Variants in TRAPPC3L observed in about 807,000 individuals in gnomAD.
TRAPPC3L encodes trafficking protein particle complex subunit 3L.
Under a neutral mutation model 23.7 loss-of-function variants are expected in TRAPPC3L, and 23 were observed. That is an observed-to-expected ratio of 0.97 (90% CI 0.70 to 1.37). The LOEUF (loss-of-function observed/expected upper bound fraction) is 1.37, where lower values mean the gene tolerates loss of function less well. Among genes scored for constraint, TRAPPC3L ranks in the 40% most tolerant of loss-of-function variants. The pLI is 0.00. For synonymous variants in TRAPPC3L, 81 were observed against 77.9 expected (o/e 1.04, Z -0.21); for missense variants, 212 against 216.8 (o/e 0.98, Z 0.14).
intron 3 of TRAPPC3L, among the ~76,000 whole-genome samples, chr6:116,514,827 A>T (rs1772190702): frequency 6.6e-6 from 1 of 152,260 alleles, no homozygotes; most frequent in African/African-American, 2.4e-5. Flanking sequence ...ATTAAGGATC[A>T]TTTAAACTAA....
intron 3 of TRAPPC3L, among the ~76,000 whole-genome samples, chr6:116,531,617 G>A (rs1434937316): frequency 6.6e-6 from 1 of 152,040 alleles, no homozygotes; most frequent in Admixed American, 6.6e-5. Flanking sequence ...TAAACCAAAT[G>A]CTGGTAACCT....
chr6:116,531,076 A>G (rs942154209), intron 3 of TRAPPC3L, among the ~76,000 whole-genome samples: 1 of 151,936 alleles, frequency 6.6e-6, no homozygotes, highest in Non-Finnish European at 1.5e-5. Context: ...TGTTCTATCT[A>G]ATTATCCTGC....
At chr6:116,537,500 G>C (rs1773173618) in intron 3 of TRAPPC3L, among the ~76,000 whole-genome samples, 1 of 152,056 alleles carries the variant, frequency 6.6e-6, no homozygotes, top group Non-Finnish European at 1.5e-5. Flanking sequence ...GTCTTTTCCT[G>C]CTGAGATATG....
intron 3 of TRAPPC3L, among the ~76,000 whole-genome samples, chr6:116,513,866 T>C (rs1221020162): frequency 3.3e-5 from 5 of 152,114 alleles, no homozygotes; most frequent in African/African-American, 1.2e-4. Context: ...TTGTCTGGCG[T>C]TGGGTTTGTA....
chr6:116,543,105 GA>G (rs1457915642), intron 2 of TRAPPC3L, among the ~76,000 whole-genome samples, 197 bp downstream of exon 2: 1 of 152,012 alleles, frequency 6.6e-6, no homozygotes, highest in African/African-American at 2.4e-5. Context: ...ATATTTGTAG[GA>G]AAAAAATCCT....
intron 3 of TRAPPC3L, chr6:116,522,184 A>G (rs1159187603): frequency 6.6e-6 from 1 of 152,304 alleles, no homozygotes; most frequent in Non-Finnish European, 1.5e-5. Context: ...GTGAGAATAA[A>G]AGGCCCCAGA....
intron 4 of TRAPPC3L, among the ~76,000 whole-genome samples, chr6:116,499,048 C>T (rs1456975720): frequency 6.6e-6 from 1 of 152,188 alleles, no homozygotes; most frequent in Non-Finnish European, 1.5e-5. Flanking sequence ...GTGTTAAACA[C>T]CTCAACTCCA....
rs776982241 is a variant in TRAPPC3L, at chr6:116,496,143, A to G, written c.*811T>C. On this transcript the variant is annotated 3_prime_UTR_variant, in exon 5 of 5. Transcript: ENST00000368602. ...TGAATTTTAAATGTGTTCTGGTCAC[A>G]AAGAAAACATCCTTTGGAAGATTTT... The G allele has an allele frequency of 6.6e-5, 10 of 152,222 alleles. No individual in the cohort carries two copies. The highest frequency in any genetic ancestry group is 1.2e-4 in the Non-Finnish European group (8 of 68,038). 9.4% of individuals were successfully genotyped at this position (152,222 alleles called of 1,614,324 possible).
chr6:116,526,093 G>A (rs1290453656), intron 3 of TRAPPC3L, among the ~76,000 whole-genome samples: 1 of 152,166 alleles, frequency 6.6e-6, no homozygotes. Flanking sequence ...CTTACAAACT[G>A]ATCCATTTCC....
intron 3 of TRAPPC3L, chr6:116,524,240 G>A (rs933327542): frequency 6.6e-6 from 1 of 152,178 alleles, no homozygotes; most frequent in South Asian, 2.1e-4. Context: ...ATTGAAGCTG[G>A]ATGGTAGGTA....
intron 1 of TRAPPC3L, among the ~76,000 whole-genome samples, chr6:116,544,804 A>G (rs1054168905): frequency 1.3e-5 from 2 of 152,112 alleles, no homozygotes; most frequent in South Asian, 2.1e-4. Context: ...GTCTGAAATT[A>G]CTTAATTATA....
intron 3 of TRAPPC3L, chr6:116,512,160 A>T (rs372351451): frequency 6.2e-7 from 1 of 1,613,070 alleles, no homozygotes; most frequent in East Asian, 2.2e-5. Context: ...GAACTTCACA[A>T]AGTATCTTGT....
intron 4 of TRAPPC3L, among the ~76,000 whole-genome samples, chr6:116,499,447 T>C (rs1562335335): frequency 6.6e-6 from 1 of 152,230 alleles, no homozygotes; most frequent in Non-Finnish European, 1.5e-5. Context: ...ATTATTCTAC[T>C]GTTTATAAAC....
intron 3 of TRAPPC3L, among the ~76,000 whole-genome samples, chr6:116,506,038 A>G (rs1772001170): frequency 6.6e-6 from 1 of 152,216 alleles, no homozygotes; most frequent in African/African-American, 2.4e-5. Context: ...TAAACTAAAG[A>G]GCTTCTAACA....
At chr6:116,521,107 C>CGT (rs1300530267) in intron 3 of TRAPPC3L, 3 of 149,536 alleles carry the variant, frequency 2.0e-5, no homozygotes, top group Non-Finnish European at 4.4e-5. Flanking sequence ...TGTGTGTATG[C>CGT]GTGTATATAT....
At chr6:116,538,546 T>A (rs370275305) in intron 3 of TRAPPC3L, among the ~76,000 whole-genome samples, 3 of 152,330 alleles carry the variant, frequency 2.0e-5, no homozygotes, top group Middle Eastern at 3.4e-3. Context: ...TTGCTAGTTA[T>A]GCTAACATAT....
rs1452777340 is a variant in TRAPPC3L at position 116,495,683 on chromosome 6, T to C, written c.*1271A>G. 1 of 152,200 alleles carries C rather than the reference T, an allele frequency of 6.6e-6. No homozygotes were observed. Among genetic ancestry groups the C allele is most frequent in the Non-Finnish European group, 1.5e-5 (1 of 68,038 alleles). The allele number at this position is 152,200 out of a possible 1,614,324, so 9.4% of individuals were successfully genotyped here. ...CCACATCTTTGCAAGCATTCACTAT[T>C]GCCTGTTTTGGATAAAAGCCATTTT... is the stretch of plus-strand genomic sequence containing the variant. On this transcript the variant is annotated 3_prime_UTR_variant, in exon 5 of 5. Transcript: ENST00000368602.
chr6:116,524,181 T>G (rs1772401789), intron 3 of TRAPPC3L: 1 of 147,008 alleles, frequency 6.8e-6, no homozygotes, highest in Admixed American at 6.9e-5. Flanking sequence ...AAAAAAGAGT[T>G]TAGGGAGAAA....
chr6:116,536,561 TCTC>T (rs1485330540), intron 3 of TRAPPC3L, among the ~76,000 whole-genome samples: 6 of 152,276 alleles, frequency 3.9e-5, no homozygotes, highest in Non-Finnish European at 7.4e-5. Flanking sequence ...AGGGATCACT[TCTC>T]CTGTCTGGGC....
Sources: gnomAD v4.1 joint callset for allele counts (sites outside exome capture counted in the v4.1 genomes callset) on GRCh38, gnomAD v4.1.1 for gene constraint, MANE v1.5 for transcripts, NCBI Gene and HGNC (gene_info 2026-07-23, HGNC 2026-07-21) for gene names.